The following ARHGAP32 variants were observed in gnomAD, a reference collection of about 807,000 sequenced individuals.
ARHGAP32 encodes Rho GTPase activating protein 32, also known as rho GTPase-activating protein 32.
Under a neutral mutation model 186.5 loss-of-function variants are expected in ARHGAP32, and 51 were observed. That is an observed-to-expected ratio of 0.27 (90% CI 0.22 to 0.35). The LOEUF (loss-of-function observed/expected upper bound fraction) is 0.35. Ranked by LOEUF, ARHGAP32 falls within the 10% of genes least tolerant of loss-of-function variation. The pLI, the probability that ARHGAP32 is intolerant of heterozygous loss-of-function variation, is 1.00. For missense variants in ARHGAP32, 2,186 were observed against 2,623.5 expected (o/e 0.83, Z 3.64); for synonymous variants, 950 against 964.3 (o/e 0.99, Z 0.27).
chr11:129,235,939 A>ACACACT (rs1491239598), intron 1 of ARHGAP32, among the ~76,000 whole-genome samples: 16 of 135,926 alleles, frequency 1.2e-4, no homozygotes, highest in Non-Finnish European at 1.8e-4. Context: ...ACACACACAC[A>ACACACT]CTCACACACA....
At chr11:128,992,136 A>T (rs1565362076) in intron 12 of ARHGAP32, among the ~76,000 whole-genome samples, 1 of 152,192 alleles carries the variant, frequency 6.6e-6, no homozygotes, top group Admixed American at 6.5e-5. Context: ...TTCTGGTGTT[A>T]TCTGGGCCTT....
At chr11:129,170,333 C>T (rs978387780) in intron 1 of ARHGAP32, among the ~76,000 whole-genome samples, 47 of 152,028 alleles carry the variant, frequency 3.1e-4, no homozygotes, top group African/African-American at 1.0e-3. Flanking sequence ...CTCCCCTCAC[C>T]CTCCACCCCA....
intron 1 of ARHGAP32, among the ~76,000 whole-genome samples, chr11:129,235,880 A>C (rs1272231231): frequency 6.7e-6 from 1 of 148,676 alleles, no homozygotes; most frequent in Non-Finnish European, 1.5e-5. Context: ...GTTGCTGCAA[A>C]TGCCATTATG....
rs548667666 is a variant in ARHGAP32 at position 129,123,904 on chromosome 11, A to G, written c.343T>C (p.Cys115Arg). ...KKSTTPGLMG[C>R]DNIHRLPFTK... ...AGATTTTACCTGTGAATGTTGTCAC[A>G]GCCCATCAGTCCTGGAGTGGTGGAC... The change falls in exon 4 of 23, where the codon TGT becomes CGT. Residue 115 changes from cysteine to arginine, a missense_variant. Around this residue, in one of 5 missense-constraint regions of ARHGAP32, gnomAD observed 308 missense variants for 596.5 expected, o/e 0.52. Transcript: ENST00000682385. The surrounding 1 kb of genome is among the most constrained non-coding windows in gnomAD (Gnocchi z 4.6). 1 of 1,294,016 alleles carries G rather than the reference A, an allele frequency of 7.7e-7. No homozygotes were observed. Among genetic ancestry groups the G allele is most frequent in the African/African-American group, 1.5e-5 (1 of 66,170 alleles). 80.2% of individuals were successfully genotyped at this position (1,294,016 alleles called of 1,614,324 possible). A position where few individuals can be genotyped will look rare whatever the true frequency, so the allele number is the denominator to read the frequency against.
intron 11 of ARHGAP32, among the ~76,000 whole-genome samples, chr11:129,032,142 A>T (rs1040432679): frequency 6.6e-6 from 1 of 152,240 alleles, no homozygotes; most frequent in African/African-American, 2.4e-5. Flanking sequence ...AGAGGCTGTC[A>T]CACTGACCCT....
At chr11:129,084,999 G>A (rs1414456553) in intron 6 of ARHGAP32, among the ~76,000 whole-genome samples, 1 of 151,728 alleles carries the variant, frequency 6.6e-6, no homozygotes, top group African/African-American at 2.4e-5. Flanking sequence ...TACCAGCAAT[G>A]AGCAAGAGAA....
At chr11:129,029,814 A>AAAC (rs1939031027) in intron 11 of ARHGAP32, among the ~76,000 whole-genome samples, 1 of 150,336 alleles carries the variant, frequency 6.7e-6, no homozygotes, top group Non-Finnish European at 1.5e-5. Context: ...AAAAAAAAAA[A>AAAC]AAAAAAAAAA....
At chr11:129,156,406 G>A (rs1012320184) in intron 2 of ARHGAP32, among the ~76,000 whole-genome samples, 1 of 152,180 alleles carries the variant, frequency 6.6e-6, no homozygotes, top group African/African-American at 2.4e-5. Context: ...CTTGGTAGGG[G>A]GAGAGTCGTC....
At chr11:129,239,486 T>A (rs745708889) in intron 1 of ARHGAP32, among the ~76,000 whole-genome samples, 9 of 152,148 alleles carry the variant, frequency 5.9e-5, no homozygotes, top group Non-Finnish European at 1.2e-4. Context: ...TAGAAGCTCA[T>A]TTTCCAAACT....
At chr11:129,036,906 G>T (rs1269588079) in intron 11 of ARHGAP32, among the ~76,000 whole-genome samples, 3 of 152,188 alleles carry the variant, frequency 2.0e-5, no homozygotes, top group African/African-American at 7.2e-5. Flanking sequence ...ATCCAGATTG[G>T]AAGGGAAGAA....
chr11:129,172,757 A>T (rs918720992), intron 1 of ARHGAP32, among the ~76,000 whole-genome samples: 1 of 152,170 alleles, frequency 6.6e-6, no homozygotes, highest in African/African-American at 2.4e-5. Flanking sequence ...GAGAACAAAT[A>T]GAGACAACAT....
chr11:128,996,726 A>G (rs1946210379), intron 12 of ARHGAP32, among the ~76,000 whole-genome samples: 1 of 152,118 alleles, frequency 6.6e-6, no homozygotes, highest in South Asian at 2.1e-4. Flanking sequence ...ATTTCTGAAC[A>G]CTGTAAGCTG....
At chr11:129,136,477 C>T (rs1476114928) in intron 2 of ARHGAP32, among the ~76,000 whole-genome samples, 1 of 151,986 alleles carries the variant, frequency 6.6e-6, no homozygotes, top group Non-Finnish European at 1.5e-5. Flanking sequence ...AGGTTTGTGA[C>T]TTCTCTGTAT....
In ARHGAP32 at chr11:129,235,718, C is replaced by T. The variant is rs144773898; in HGVS notation, c.-5+43428G>A. On this transcript the variant is annotated intron_variant, in intron 1 of 6. Transcript: ENST00000525234. ...TCTCTCCCCCTTCCCCACTACTCCC[C>T]GAGTCCTGAAAGTCCCTCAAAGTCC... is the stretch of plus-strand genomic sequence containing the variant. 1.6e-4 allele frequency among the ~76,000 whole-genome samples: 25 copies of T among 152,212 alleles called. No individual in the cohort carries two copies. In the East Asian group the frequency reaches 4.6e-3, roughly 28 times the overall value.
intron 1 of ARHGAP32, among the ~76,000 whole-genome samples, chr11:129,176,879 G>A (rs1400578289): frequency 5.9e-5 from 9 of 151,994 alleles, no homozygotes; most frequent in East Asian, 3.9e-4. Context: ...TAAAAGAACT[G>A]GAAAAGCAAG....
At chr11:129,106,584 C>T (rs1033208014) in intron 5 of ARHGAP32, among the ~76,000 whole-genome samples, 5 of 151,942 alleles carry the variant, frequency 3.3e-5, no homozygotes, top group Admixed American at 6.6e-5. Context: ...ATTCTCAGTA[C>T]GTGGGTGATG....
intron 2 of ARHGAP32, among the ~76,000 whole-genome samples, chr11:129,130,215 G>A (rs1942778280): frequency 6.6e-6 from 1 of 152,062 alleles, no homozygotes; most frequent in East Asian, 1.9e-4. Context: ...TTATGACACA[G>A]GAGCCAATGC....
chr11:128,973,353 T>A lies in ARHGAP32; in HGVS notation c.3153A>T (p.Lys1051Asn), dbSNP rs1945447644. The A allele has an allele frequency of 6.2e-7, 1 of 1,613,982 alleles. No individual in the cohort carries two copies. Among genetic ancestry groups the A allele is most frequent in the Non-Finnish European group, 8.5e-7 (1 of 1,180,002 alleles). Residue 1051 changes from lysine to asparagine, a missense_variant, in exon 22 of 23, where the codon AAA (lysine) becomes AAT (asparagine). This residue lies in a region of ARHGAP32 where 1,502 missense variants were observed against 1,570.0 expected (regional missense o/e 0.96). Coordinates refer to ENST00000682385, the MANE Select transcript of ARHGAP32 (RefSeq NM_001378024.1). ...CTAGCGCCAACATTCGGGCAACATT[T>A]TTCGGAGGCGGTGGTGGTGGGATAA... is the stretch of plus-strand genomic sequence containing the variant. Reference protein sequence around the residue: ...VSLIPPPPPPKNVARMLALAL... With the variant: ...VSLIPPPPPPNNVARMLALAL...
chr11:129,221,483 G>C (rs61911035), intron 1 of ARHGAP32, among the ~76,000 whole-genome samples: 1 of 26,984 alleles, frequency 3.7e-5, no homozygotes, highest in Non-Finnish European at 8.5e-5. Context: ...TCATTACTGT[G>C]TGTGTGTGTG....
Sources: gnomAD v4.1 joint callset for allele counts (sites outside exome capture counted in the v4.1 genomes callset) on GRCh38, gnomAD v4.1.1 for gene constraint, gnomAD v4.1.1 regional missense constraint, Gnocchi (gnomAD v3.1) non-coding constraint, MANE v1.5 for transcripts, NCBI Gene and HGNC (gene_info 2026-07-23, HGNC 2026-07-21) for gene names.